The following NAV2 variants were observed in gnomAD, a reference collection of about 807,000 sequenced individuals.
NAV2 encodes neuron navigator 2.
NAV2 carries 54 observed loss-of-function variants against 223.2 expected under a neutral mutation model. The observed-to-expected ratio is 0.24, with a 90% CI of 0.19 to 0.30. The LOEUF (loss-of-function observed/expected upper bound fraction) is 0.30. Among genes scored for constraint, NAV2 ranks in the 10% least tolerant of loss-of-function variants. NAV2 has a pLI of 1.00. For missense variants in NAV2, 2,806 were observed against 3,147.5 expected (o/e 0.89, Z 2.60); for synonymous variants, 1,279 against 1,239.3 (o/e 1.03, Z -0.67).
chr11:19,915,844 A>C (rs79120747), intron 6 of NAV2, among the ~76,000 whole-genome samples: 3,046 of 152,278 alleles, frequency 0.02, 101 homozygotes, highest in African/African-American at 0.069. Context: ...TGGCATACAG[A>C]GACGTTAAAG....
chr11:19,707,001 C>T (rs760118023), intron 1 of NAV2, among the ~76,000 whole-genome samples: 10 of 152,018 alleles, frequency 6.6e-5, no homozygotes, highest in African/African-American at 9.7e-5. Context: ...TGTATCTAAA[C>T]GTAGAAAAGG....
At chr11:19,595,270 G>A (rs2046175554) in intron 1 of NAV2, among the ~76,000 whole-genome samples, 1 of 152,142 alleles carries the variant, frequency 6.6e-6, no homozygotes, top group African/African-American at 2.4e-5. Context: ...ACCATGACCA[G>A]GGAGCATCCT....
At position 19,880,073 on chromosome 11, in the gene NAV2, C is replaced by T. The variant is rs776699278; in HGVS notation, c.716C>T (p.Pro239Leu). 6 of 1,612,192 alleles carry T rather than the reference C, an allele frequency of 3.7e-6. No homozygotes were observed. In the South Asian group the frequency reaches 5.5e-5, roughly 15 times the overall value. The change falls in exon 5 of 38, where the codon CCT (proline) becomes CTT (leucine). Residue 239 changes from proline (P) to leucine (L), a missense_variant. Pro to Leu is a moderately conservative substitution (Grantham distance 98). Coordinates refer to ENST00000349880, the MANE Select transcript of NAV2 (RefSeq NM_145117.5). ...VPVTPQAPCQPHQPAPHQQSK... is the reference protein window; with the variant it reads ...VPVTPQAPCQLHQPAPHQQSK... ...GTCACTCCCCAAGCCCCGTGCCAGCCTCACCAGCCAGCGCCACATCAGCAG... is the reference window on the plus strand; with the variant it reads ...GTCACTCCCCAAGCCCCGTGCCAGCTTCACCAGCCAGCGCCACATCAGCAG...
In NAV2 at chr11:19,532,949, C is replaced by T. The variant is rs150858083; in HGVS notation, c.75+181922C>T. On this transcript the variant is annotated intron_variant, in intron 1 of 37. Coordinates refer to the NAV2 transcript ENST00000360655. ...ACTCATCCCCAATCCTGTGGACTCT[C>T]GGTTTAGTGCTCTTTGACCATATTA... Among the ~76,000 whole-genome samples, 759 of 152,286 alleles carry T rather than the reference C, an allele frequency of 5.0e-3. 12 individuals are homozygous for T. The highest frequency in any genetic ancestry group is 0.018 in the African/African-American group (729 of 41,564).
intron 2 of NAV2, among the ~76,000 whole-genome samples, chr11:19,839,653 G>A (rs114189799): frequency 0.011 from 1,738 of 152,330 alleles, 31 homozygotes; most frequent in African/African-American, 0.04. Context: ...TGCCAGGGAT[G>A]ATAAGTGCAT....
At chr11:20,075,951 T>C (rs917832096) in intron 22 of NAV2, among the ~76,000 whole-genome samples, 9 of 152,164 alleles carry the variant, frequency 5.9e-5, no homozygotes, top group Non-Finnish European at 8.8e-5. Context: ...TGTCTACACC[T>C]GTGTTCTCAG....
chr11:19,356,583 C>A (rs531822096), intron 1 of NAV2, among the ~76,000 whole-genome samples: 1 of 152,018 alleles, frequency 6.6e-6, no homozygotes, highest in Non-Finnish European at 1.5e-5. Context: ...GGAGGGGGAA[C>A]GTGAGCTCTG....
chr11:19,837,506 G>A (rs573929596), intron 2 of NAV2, among the ~76,000 whole-genome samples: 1 of 152,270 alleles, frequency 6.6e-6, no homozygotes, highest in African/African-American at 2.4e-5. Flanking sequence ...ATCATGACTA[G>A]GTGATCAAAA....
intron 11 of NAV2, among the ~76,000 whole-genome samples, chr11:19,986,849 G>A (rs2050836394): frequency 6.6e-6 from 1 of 152,046 alleles, no homozygotes; most frequent in Admixed American, 6.5e-5. Context: ...CTTCATCTTT[G>A]GCTAAGTTGA....
chr11:20,063,718 T>C (rs941852025), intron 20 of NAV2, among the ~76,000 whole-genome samples: 4 of 152,152 alleles, frequency 2.6e-5, no homozygotes, highest in African/African-American at 9.7e-5. Context: ...TTTGGGAATT[T>C]CTACAGGGAA....
intron 1 of NAV2, among the ~76,000 whole-genome samples, chr11:19,796,614 C>G (rs2057915893): frequency 6.6e-6 from 1 of 152,146 alleles, no homozygotes; most frequent in African/African-American, 2.4e-5. Context: ...TCAGGCTGAC[C>G]CTGAAACTGG....
chr11:19,818,054 T>C (rs1405980927), intron 1 of NAV2, among the ~76,000 whole-genome samples: 1 of 150,106 alleles, frequency 6.7e-6, no homozygotes, highest in Admixed American at 6.6e-5. Flanking sequence ...CCTCTCTCCC[T>C]GAATTCCCTT....
At chr11:19,714,589 C>T (rs2050134596) in intron 1 of NAV2, 4 of 380,472 alleles carry the variant, frequency 1.1e-5, no homozygotes, top group Non-Finnish European at 1.1e-5. Context: ...CTCCTAGCGC[C>T]TTGGCTGGCT....
chr11:20,095,709 G>A lies in NAV2; in HGVS notation c.5954G>A (p.Gly1985Glu), dbSNP rs779134669. The A allele has an allele frequency of 6.2e-7, 1 of 1,614,070 alleles. No individual in the cohort carries two copies. The highest frequency in any genetic ancestry group is 8.5e-7 in the Non-Finnish European group (1 of 1,179,972). Residue 1985 changes from glycine to glutamate, a missense_variant, in exon 30 of 38, where the codon GGA becomes GAA. By Grantham distance (98) the Gly-to-Glu change is moderately conservative (BLOSUM62 -2). Around this residue, in one of 4 missense-constraint regions of NAV2, gnomAD observed 824 missense variants for 1,069.4 expected, o/e 0.77. Transcript: ENST00000349880. ...RPHLFLIGCI[G>E]VSGKTKWDVL... The stretch of plus-strand genomic sequence containing the variant: ...CATCTCTTTCTTATTGGCTGCATTG[G>A]AGTTAGTGGCAAGACGAAGTGGGAT...
intron 1 of NAV2, among the ~76,000 whole-genome samples, chr11:19,507,408 C>T (rs2043155185): frequency 6.6e-6 from 1 of 152,198 alleles, no homozygotes; most frequent in Admixed American, 6.5e-5. Context: ...GTAGTATAAA[C>T]TGACTTCATC....
At chr11:19,823,914 TA>T (rs140285642) in intron 1 of NAV2, among the ~76,000 whole-genome samples, 1,713 of 151,766 alleles carry the variant, frequency 0.011, 34 homozygotes, top group African/African-American at 0.039. Flanking sequence ...CTTAAAGTAT[TA>T]AAAAAAAGAC....
intron 4 of NAV2, 99 bp downstream of exon 4, chr11:19,869,096 T>C (rs2062286308): frequency 1.7e-6 from 2 of 1,179,956 alleles, no homozygotes; most frequent in Non-Finnish European, 2.4e-6. Context: ...AAGGGATGCT[T>C]GTGGGCTCCT....
chr11:20,100,045 C>A (rs2061522506), intron 31 of NAV2, among the ~76,000 whole-genome samples: 1 of 152,138 alleles, frequency 6.6e-6, no homozygotes, highest in East Asian at 1.9e-4. Context: ...CTAGCAGTGA[C>A]TGAGTACGTA....
chr11:19,906,145 G>T (rs1358474373), intron 6 of NAV2, among the ~76,000 whole-genome samples: 1 of 152,166 alleles, frequency 6.6e-6, no homozygotes, highest in East Asian at 1.9e-4. Flanking sequence ...GTCTGTAATG[G>T]CCTCAGGTGA....
Sources: allele counts gnomAD v4.1 joint callset (sites outside exome capture counted in the v4.1 genomes callset), GRCh38; gene constraint gnomAD v4.1.1; regional missense constraint gnomAD v4.1.1; transcripts MANE v1.5; gene names NCBI Gene and HGNC (gene_info 2026-07-23, HGNC 2026-07-21).